DLGAP2: variants seen among roughly 807,000 people sequenced by gnomAD.
The protein encoded by DLGAP2 is disks large-associated protein 2.
Under a neutral mutation model 100.3 loss-of-function variants are expected in DLGAP2, and 26 were observed. That is an observed-to-expected ratio of 0.26 (90% CI 0.19 to 0.36). DLGAP2 has a LOEUF of 0.36. Ranked by LOEUF, DLGAP2 falls within the 10% of genes least tolerant of loss-of-function variation. The pLI, the probability that DLGAP2 is intolerant of heterozygous loss-of-function variation, is 1.00. For synonymous variants in DLGAP2, 886 were observed against 630.1 expected (o/e 1.41, Z -6.08); for missense variants, 1,858 against 1,453.2 (o/e 1.28, Z -4.53).
At chr8:1,681,476 AAATAATAAT>A (rs1243161973) in intron 12 of DLGAP2, among the ~76,000 whole-genome samples, 2 of 151,844 alleles carry the variant, frequency 1.3e-5, no homozygotes, top group Non-Finnish European at 2.9e-5. Context: ...CTACCAAAAA[AAATAATAAT>A]AATAATAATT....
At chr8:1,530,481 A>G (rs1800953756) in intron 4 of DLGAP2, among the ~76,000 whole-genome samples, 1 of 152,126 alleles carries the variant, frequency 6.6e-6, no homozygotes, top group Non-Finnish European at 1.5e-5. Context: ...ATGCTGTACA[A>G]TTTGTGCAGT....
chr8:1,637,837 A>C (rs1222137071), intron 8 of DLGAP2, among the ~76,000 whole-genome samples: 1 of 152,100 alleles, frequency 6.6e-6, no homozygotes, highest in Non-Finnish European at 1.5e-5. Context: ...GTGCTGTGAG[A>C]TGTGTGTGGA....
chr8:890,909 C>T (rs918018020), intron 1 of DLGAP2, among the ~76,000 whole-genome samples: 14 of 152,164 alleles, frequency 9.2e-5, no homozygotes, highest in Non-Finnish European at 1.5e-4. Flanking sequence ...GAGATCCTCG[C>T]TGTGTGACCT....
intron 3 of DLGAP2, among the ~76,000 whole-genome samples, chr8:1,312,773 A>G (rs568544836): frequency 6.6e-6 from 1 of 152,354 alleles, no homozygotes; most frequent in South Asian, 2.1e-4. Context: ...AAGTGCCCAT[A>G]TGCTCACCAA....
chr8:1,314,160 G>C (rs1287840232), intron 3 of DLGAP2, among the ~76,000 whole-genome samples: 2 of 152,186 alleles, frequency 1.3e-5, no homozygotes, highest in Non-Finnish European at 2.9e-5. Flanking sequence ...CTATGAAACT[G>C]TATGATGAGA....
At chr8:1,577,723 G>A (rs888445391) in intron 6 of DLGAP2, among the ~76,000 whole-genome samples, 2 of 152,154 alleles carry the variant, frequency 1.3e-5, no homozygotes, top group African/African-American at 2.4e-5. Flanking sequence ...GCAGCCCGGG[G>A]CCAGGGGAGT....
At chr8:1,596,739 T>C (rs1387986788) in intron 6 of DLGAP2, among the ~76,000 whole-genome samples, 1 of 152,252 alleles carries the variant, frequency 6.6e-6, no homozygotes, top group Non-Finnish European at 1.5e-5. Flanking sequence ...TTTTTTCTTG[T>C]AAATTTGTTA....
At chr8:1,496,004 G>GC (rs1021065258) in intron 3 of DLGAP2, among the ~76,000 whole-genome samples, 1 of 152,110 alleles carries the variant, frequency 6.6e-6, no homozygotes, top group African/African-American at 2.4e-5. Flanking sequence ...GTGACGTGGG[G>GC]CCCCCGGCAC....
intron 2 of DLGAP2, among the ~76,000 whole-genome samples, chr8:979,144 C>T (rs1253554031): frequency 6.6e-6 from 1 of 152,114 alleles, no homozygotes; most frequent in Non-Finnish European, 1.5e-5. Flanking sequence ...CAGGTGAGCT[C>T]AACATTGTTA....
At chr8:1,535,600 G>GT (rs1801131378) in intron 4 of DLGAP2, among the ~76,000 whole-genome samples, 1 of 152,326 alleles carries the variant, frequency 6.6e-6, no homozygotes, top group African/African-American at 2.4e-5. Context: ...GATGGATTTG[G>GT]TTTTACCAAA....
At chr8:1,378,584 C>T (rs1262002431) in intron 3 of DLGAP2, among the ~76,000 whole-genome samples, 9 of 151,910 alleles carry the variant, frequency 5.9e-5, no homozygotes, top group African/African-American at 2.2e-4. Context: ...CCTGGCCTCA[C>T]CTGTCCATCC....
At chr8:1,344,526 A>G (rs956100019) in intron 3 of DLGAP2, among the ~76,000 whole-genome samples, 16 of 152,196 alleles carry the variant, frequency 1.1e-4, no homozygotes, top group African/African-American at 3.9e-4. Context: ...TAAAATCGGA[A>G]TATTCACATT....
intron 2 of DLGAP2, among the ~76,000 whole-genome samples, chr8:1,217,820 T>G (rs1281908627): frequency 6.6e-6 from 1 of 152,208 alleles, no homozygotes; most frequent in Non-Finnish European, 1.5e-5. Context: ...AGAGGGTATC[T>G]CATTGTGATT....
At chr8:1,440,394 A>G (rs1276548593) in intron 3 of DLGAP2, among the ~76,000 whole-genome samples, 1 of 152,238 alleles carries the variant, frequency 6.6e-6, no homozygotes, top group African/African-American at 2.4e-5. Flanking sequence ...ATGTAAATAT[A>G]CAGGTGTAAA....
chr8:1,354,596 A>C (rs1801807093), intron 3 of DLGAP2, among the ~76,000 whole-genome samples: 1 of 151,678 alleles, frequency 6.6e-6, no homozygotes, highest in Non-Finnish European at 1.5e-5. Flanking sequence ...TGAAGGTGGA[A>C]AGTCACGGAT....
intron 2 of DLGAP2, among the ~76,000 whole-genome samples, chr8:972,706 A>G: frequency 6.6e-6 from 1 of 152,076 alleles, no homozygotes; most frequent in East Asian, 1.9e-4. Flanking sequence ...AGTGGAGGAA[A>G]GATCAGCAGA....
chr8:765,526 T>C (rs1050823744), intron 1 of DLGAP2, among the ~76,000 whole-genome samples: 1 of 152,188 alleles, frequency 6.6e-6, no homozygotes, highest in African/African-American at 2.4e-5. Context: ...TCAAATGACA[T>C]TGGAATACAG....
At chr8:1,384,674 G>C (rs74931149) in intron 3 of DLGAP2, among the ~76,000 whole-genome samples, 2,822 of 92,986 alleles carry the variant, frequency 0.03, 63 homozygotes, top group African/African-American at 0.07. Context: ...ACCCCGGCCT[G>C]TGCCCGTCCC....
chr8:1,117,289 C>G (rs1474714838), intron 2 of DLGAP2, among the ~76,000 whole-genome samples: 1 of 152,222 alleles, frequency 6.6e-6, no homozygotes, highest in Non-Finnish European at 1.5e-5. Context: ...GGCAGGTGTG[C>G]AGACAGATCC....
Sources: allele counts gnomAD v4.1 joint callset (sites outside exome capture counted in the v4.1 genomes callset), GRCh38; gene constraint gnomAD v4.1.1; transcripts MANE v1.5; gene names NCBI Gene and HGNC (gene_info 2026-07-23, HGNC 2026-07-21).